The following CD226 variants were observed in gnomAD, a reference collection of about 807,000 sequenced individuals.
The protein encoded by CD226 is CD226 molecule, also known as CD226 antigen.
A neutral mutation model predicts 34.9 loss-of-function variants in CD226; 24 were observed. That is an observed-to-expected ratio of 0.69 (90% CI 0.50 to 0.97). CD226 has a LOEUF of 0.97. CD226 is among the 50% of genes least tolerant of loss of function. CD226 has a pLI of 0.00. For missense variants in CD226, 397 were observed against 412.7 expected, an observed-to-expected ratio of 0.96 and a Z score of 0.33; for synonymous variants, 148 against 147.4, an observed-to-expected ratio of 1.00 and a Z score of -0.03.
chr18:69,930,896 T>G (rs1410476979), intron 2 of CD226, among the ~76,000 whole-genome samples: 1 of 152,174 alleles, frequency 6.6e-6, no homozygotes, highest in African/African-American at 2.4e-5. Flanking sequence ...CCCAGAAGGC[T>G]TTATCAAGGA....
In CD226 at chr18:69,946,078, C is replaced by T. The variant is rs745497510; in HGVS notation, c.382+656G>A. 2.1e-5 allele frequency among the ~76,000 whole-genome samples: 3 copies of T among 142,842 alleles called. No homozygotes were observed. The Admixed American group carries it at 2.2e-4, about 11-fold the overall frequency. The allele number at this position is 142,842 out of a possible 152,430, so 93.7% of individuals were successfully genotyped here. On this transcript the variant is annotated intron_variant, in intron 2 of 5. Transcript: ENST00000582621. ...GCACACCTGTAGTCCCAGCTACTTGCGGGGCTGAGGTAGGAGAATCGCTTG... is the reference window on the plus strand; with the variant it reads ...GCACACCTGTAGTCCCAGCTACTTGTGGGGCTGAGGTAGGAGAATCGCTTG...
rs143503420 is a variant in CD226 at position 69,896,027 on chromosome 18, A to G, written c.401T>C (p.Val134Ala). 354 of 1,609,284 alleles carry G rather than the reference A, an allele frequency of 2.2e-4. No individual in the cohort carries two copies. The African/African-American group carries it at 4.1e-3, about 19-fold the overall frequency. The change falls in exon 3 of 6, where the codon GTG becomes GCG. Residue 134 changes from valine (V) to alanine (A), a missense_variant. Coordinates refer to ENST00000582621, the MANE Select transcript of CD226 (RefSeq NM_001303618.2). Reference protein sequence around the residue: ...VVQSDSFEAAVPSNSHIVSEP... With the variant: ...VVQSDSFEAAAPSNSHIVSEP... ...CGAAACAATGTGGCTATTTGATGGC[A>G]CAGCTGCCTCAAAACTATCTGAAAA...
chr18:69,915,212 T>C (rs1178074285), intron 2 of CD226, among the ~76,000 whole-genome samples: 1 of 152,214 alleles, frequency 6.6e-6, no homozygotes, highest in Non-Finnish European at 1.5e-5. Context: ...TCATTGCTAT[T>C]TGCTTTATTA....
At chr18:69,946,300 A>G (rs2055791899) in intron 2 of CD226, among the ~76,000 whole-genome samples, 1 of 151,878 alleles carries the variant, frequency 6.6e-6, no homozygotes, top group African/African-American at 2.4e-5. Flanking sequence ...AAGAAAGAAA[A>G]CAAACTTAGA....
chr18:69,887,611 A>G (rs1158633133), intron 3 of CD226, among the ~76,000 whole-genome samples: 1 of 152,200 alleles, frequency 6.6e-6, no homozygotes, highest in Non-Finnish European at 1.5e-5. Context: ...ACTGTCCAAC[A>G]TAGCTAAAGC....
At position 69,858,995 on chromosome 18, in the gene CD226, GT is replaced by G. The variant is rs1307260040; in HGVS notation, c.*5318del. The G allele has an allele frequency of 6.6e-6, 1 of 151,480 alleles. No individual in the cohort carries two copies. Among genetic ancestry groups the G allele is most frequent in the African/African-American group, 2.4e-5 (1 of 41,194 alleles). 9.4% of individuals were successfully genotyped at this position (151,480 alleles called of 1,614,324 possible). A position where few individuals can be genotyped will look rare whatever the true frequency, so the allele number is the denominator to read the frequency against. ...TTTTTTTCTTCAACAGTCAGTATCT[GT>G]TTTCGTGCTTACAACCAATACCCCC... On this transcript the variant is annotated 3_prime_UTR_variant, in exon 6 of 6. Transcript: ENST00000582621.
intron 1 of CD226, among the ~76,000 whole-genome samples, chr18:69,953,182 A>T (rs535988614): frequency 8.5e-5 from 13 of 152,330 alleles, no homozygotes; most frequent in African/African-American, 3.1e-4. Context: ...AAAACGTTCA[A>T]CAGGATTACT....
At chr18:69,921,477 C>G (rs915946007) in intron 2 of CD226, among the ~76,000 whole-genome samples, 4 of 152,144 alleles carry the variant, frequency 2.6e-5, no homozygotes, top group African/African-American at 9.7e-5. Context: ...GGATTGTAAG[C>G]ATCTCCACAG....
At position 69,896,014 on chromosome 18, in the gene CD226, G is replaced by C. The variant is rs756696035; in HGVS notation, c.414C>G (p.Ser138Arg). The change falls in exon 3 of 6, where the codon AGC becomes AGG. Residue 138 changes from serine to arginine, a missense_variant. Coordinates refer to ENST00000582621, the MANE Select transcript of CD226 (RefSeq NM_001303618.2). The part of the protein sequence containing the change: ...DSFEAAVPSN[S>R]HIVSEPGKNV... ...TCTTTCCAGGTTCCGAAACAATGTG[G>C]CTATTTGATGGCACAGCTGCCTCAA... 1.9e-6 allele frequency: 3 copies of C among 1,611,628 alleles called. No individual in the cohort carries two copies. The highest frequency in any genetic ancestry group is 2.5e-6 in the Non-Finnish European group (3 of 1,179,404).
chr18:69,959,686 A>G (rs1341951999), upstream of CD226, among the ~76,000 whole-genome samples: 8 of 152,364 alleles, frequency 5.3e-5, no homozygotes, highest in East Asian at 1.2e-3. Flanking sequence ...CCCTATTAAA[A>G]TAATAGATGG....
chr18:69,891,934 C>T (rs986583983), intron 3 of CD226, among the ~76,000 whole-genome samples: 8 of 152,164 alleles, frequency 5.3e-5, no homozygotes, highest in Non-Finnish European at 8.8e-5. Context: ...TAACCTACCT[C>T]GTCCCATATT....
chr18:69,930,291 C>G (rs554828659), intron 2 of CD226, among the ~76,000 whole-genome samples: 1 of 152,112 alleles, frequency 6.6e-6, no homozygotes, highest in Non-Finnish European at 1.5e-5. Flanking sequence ...AAAAATGAGG[C>G]AAAACAAAGC....
intron 2 of CD226, among the ~76,000 whole-genome samples, chr18:69,941,728 T>C (rs942154562): frequency 1.4e-4 from 21 of 152,222 alleles, no homozygotes; most frequent in African/African-American, 5.1e-4. Context: ...GACTTTGGGC[T>C]GTGGACTTTC....
chr18:69,961,625 T>C (rs1363736670), upstream of CD226: 1 of 152,200 alleles, frequency 6.6e-6, no homozygotes, highest in Non-Finnish European at 1.5e-5. Context: ...CCAGCAAACT[T>C]CACCCACGAC....
At chr18:69,872,060 GTGTGT>G (rs1983561532) in intron 4 of CD226, among the ~76,000 whole-genome samples, 1 of 123,236 alleles carries the variant, frequency 8.1e-6, no homozygotes, top group Non-Finnish European at 1.8e-5. Context: ...AACAAGGGGT[GTGTGT>G]GTGTGTGTGT....
chr18:69,878,935 A>T (rs1203319207), intron 3 of CD226, among the ~76,000 whole-genome samples: 2 of 152,172 alleles, frequency 1.3e-5, no homozygotes, highest in African/African-American at 4.8e-5. Flanking sequence ...ATAAAGGGAA[A>T]GAGTACAAAA....
chr18:69,885,829 A>G (rs1984524858), intron 3 of CD226, among the ~76,000 whole-genome samples: 1 of 152,012 alleles, frequency 6.6e-6, no homozygotes, highest in Non-Finnish European at 1.5e-5. Flanking sequence ...AGCCCCTAGA[A>G]GGAAGACAGG....
chr18:69,936,770 T>C (rs959115514), intron 2 of CD226, among the ~76,000 whole-genome samples: 17 of 152,276 alleles, frequency 1.1e-4, no homozygotes, highest in Non-Finnish European at 2.1e-4. Context: ...TATTTCTCCA[T>C]CTGACTTAAG....
chr18:69,902,567 A>C, intron 2 of CD226, among the ~76,000 whole-genome samples: 1 of 149,338 alleles, frequency 6.7e-6, no homozygotes, highest in South Asian at 2.1e-4. Context: ...CTTGTCCCTA[A>C]AAAAAAATGT....
Sources: gnomAD v4.1 joint callset for allele counts (sites outside exome capture counted in the v4.1 genomes callset) on GRCh38, gnomAD v4.1.1 for gene constraint, MANE v1.5 for transcripts, NCBI Gene and HGNC (gene_info 2026-07-23, HGNC 2026-07-21) for gene names.